Variants in SLC27A6 observed in about 807,000 individuals in gnomAD.
SLC27A6 encodes solute carrier family 27 member 6.
Under a neutral mutation model 63.9 loss-of-function variants are expected in SLC27A6, and 74 were observed. That is an observed-to-expected ratio of 1.16 (90% CI 0.96 to 1.40). The LOEUF is 1.40. Among genes scored for constraint, SLC27A6 ranks in the 40% most tolerant of loss-of-function variants. SLC27A6 has a pLI of 0.00. For missense variants in SLC27A6, 794 were observed against 732.9 expected (o/e 1.08, Z -0.96); for synonymous variants, 287 against 260.8 (o/e 1.10, Z -0.97).
intron 1 of SLC27A6, among the ~76,000 whole-genome samples, chr5:128,971,991 G>A (rs1279820323): frequency 6.6e-6 from 1 of 152,146 alleles, no homozygotes; most frequent in African/African-American, 2.4e-5. Context: ...TTGCTTGTTT[G>A]TAAAGGATAT....
At chr5:128,970,926 T>G (rs1238977974) in intron 1 of SLC27A6, among the ~76,000 whole-genome samples, 1 of 152,218 alleles carries the variant, frequency 6.6e-6, no homozygotes, top group East Asian at 1.9e-4. Flanking sequence ...CACACTGCTT[T>G]AAATGTTTTC....
chr5:128,970,308 T>A (rs1169323530), intron 1 of SLC27A6, among the ~76,000 whole-genome samples: 1 of 152,218 alleles, frequency 6.6e-6, no homozygotes, highest in Non-Finnish European at 1.5e-5. Flanking sequence ...CTTTTTCTAT[T>A]GATTGGAATA....
chr5:129,028,494 A>G (rs1351271971), intron 8 of SLC27A6, 52 bp downstream of exon 8: 1 of 1,083,106 alleles, frequency 9.2e-7, no homozygotes, highest in Non-Finnish European at 1.4e-6. Flanking sequence ...AATTGCCACT[A>G]TTCTCTAGTT....
intron 1 of SLC27A6, among the ~76,000 whole-genome samples, chr5:128,978,272 T>C (rs1321944550): frequency 6.6e-6 from 1 of 152,220 alleles, no homozygotes; most frequent in Non-Finnish European, 1.5e-5. Flanking sequence ...AAAGTGGAAT[T>C]GACAGTCTCA....
Position 129,015,930 on chromosome 5 carries a change from G to T in SLC27A6, c.1015G>T (p.Gly339Cys), listed in dbSNP as rs1182936800. 3.7e-6 allele frequency: 6 copies of T among 1,600,684 alleles called. No individual in the cohort carries two copies. The highest frequency in any genetic ancestry group is 4.3e-6 in the Non-Finnish European group (5 of 1,175,070). Residue 339 changes from glycine (G) to cysteine (C), a missense_variant, in exon 5 of 10, where the codon GGC (glycine) becomes TGC (cysteine). Physicochemically the swap from Gly to Cys is radical, Grantham distance 159. Transcript: ENST00000262462. ...TAAGGTGCGTTTGGCAATTGGAAATGGCATACGGAGTGATGTATGGAGAGA... is the reference window on the plus strand; with the variant it reads ...TAAGGTGCGTTTGGCAATTGGAAATTGCATACGGAGTGATGTATGGAGAGA... ...DHKVRLAIGN[G>C]IRSDVWREFL...
chr5:128,981,957 G>T (rs1750607171), intron 1 of SLC27A6, among the ~76,000 whole-genome samples: 1 of 151,914 alleles, frequency 6.6e-6, no homozygotes, highest in Non-Finnish European at 1.5e-5. Context: ...GGGATTACAG[G>T]TGCCTGCCAC....
chr5:129,009,589 G>T (rs1751655666), intron 4 of SLC27A6, among the ~76,000 whole-genome samples: 1 of 151,520 alleles, frequency 6.6e-6, no homozygotes, highest in Admixed American at 6.6e-5. Context: ...AATAATAATT[G>T]TCCCATTTTT....
intron 4 of SLC27A6, among the ~76,000 whole-genome samples, chr5:128,993,785 A>G (rs1751056344): frequency 1.3e-5 from 2 of 152,088 alleles, no homozygotes; most frequent in Non-Finnish European, 2.9e-5. Flanking sequence ...GAGAATTGAA[A>G]ACAGAATGCC....
chr5:129,026,927 A>C (rs1197258306), intron 6 of SLC27A6, among the ~76,000 whole-genome samples: 1 of 152,090 alleles, frequency 6.6e-6, no homozygotes, highest in African/African-American at 2.4e-5. Context: ...AGTTTTTCCA[A>C]AGTAATTTGT....
intron 4 of SLC27A6, among the ~76,000 whole-genome samples, chr5:128,997,213 C>T (rs1197907327): frequency 1.3e-5 from 2 of 152,086 alleles, no homozygotes; most frequent in Non-Finnish European, 2.9e-5. Flanking sequence ...GATATAGTTT[C>T]ATTACAATTC....
At chr5:128,967,932 C>T (rs1198978490) in intron 1 of SLC27A6, among the ~76,000 whole-genome samples, 2 of 151,994 alleles carry the variant, frequency 1.3e-5, no homozygotes, top group Non-Finnish European at 1.5e-5. Context: ...CCACGACAGG[C>T]CCTGGTGTGT....
intron 2 of SLC27A6, among the ~76,000 whole-genome samples, chr5:128,987,980 A>T (rs1353832775): frequency 6.6e-6 from 1 of 152,174 alleles, no homozygotes; most frequent in Non-Finnish European, 1.5e-5. Flanking sequence ...TGGTCCCAGT[A>T]AAAGTCATCA....
intron 5 of SLC27A6, among the ~76,000 whole-genome samples, chr5:129,021,275 T>C (rs1580744896): frequency 6.6e-6 from 1 of 151,604 alleles, no homozygotes; most frequent in Admixed American, 6.6e-5. Context: ...AGGACCTCTT[T>C]TGGGGGCAAG....
rs1751935070 is a variant in SLC27A6 at position 129,017,356 on chromosome 5, T to A, written c.1164+1277T>A. Among the ~76,000 whole-genome samples, 5 of 151,576 alleles carry A rather than the reference T, an allele frequency of 3.3e-5. No individual in the cohort carries two copies. In the South Asian group the frequency reaches 1.0e-3, roughly 32 times the overall value. On this transcript the variant is annotated intron_variant, in intron 5 of 9. Transcript: ENST00000262462. ...AAATATCCATTCATCAAAGAAAAAA[T>A]CATAATAGAAATTAGAAGATACTAT...
At chr5:128,987,381 G>C (rs1750824977) in intron 2 of SLC27A6, among the ~76,000 whole-genome samples, 1 of 151,910 alleles carries the variant, frequency 6.6e-6, no homozygotes, top group South Asian at 2.1e-4. Context: ...TATTTTGTTT[G>C]TTTATTTTGT....
chr5:128,967,068 T>C (rs183636836), intron 1 of SLC27A6, among the ~76,000 whole-genome samples: 1 of 152,334 alleles, frequency 6.6e-6, no homozygotes, highest in South Asian at 2.1e-4. Flanking sequence ...CCTTTCTTCA[T>C]GTCTGCTCTT....
Position 128,993,089 on chromosome 5 carries a change from G to A in SLC27A6, c.969+2625G>A, listed in dbSNP as rs141141802. Reference sequence around the variant, plus strand: ...AGCCAAAGTATGTGGATACTTTTGCGATTTATAGAAAATATTTCTAAATTG... The same window carrying A: ...AGCCAAAGTATGTGGATACTTTTGCAATTTATAGAAAATATTTCTAAATTG... On this transcript the variant is annotated intron_variant, in intron 4 of 9. Coordinates refer to ENST00000262462, the MANE Select transcript of SLC27A6 (RefSeq NM_001017372.3). Among the ~76,000 whole-genome samples the A allele has an allele frequency of 6.6e-3, 1,010 of 152,310 alleles. 11 individuals are homozygous for A. The highest frequency in any genetic ancestry group is 0.015 in the African/African-American group (624 of 41,576).
At chr5:129,001,349 T>C (rs879168865) in intron 4 of SLC27A6, among the ~76,000 whole-genome samples, 3 of 152,214 alleles carry the variant, frequency 2.0e-5, no homozygotes, top group African/African-American at 7.2e-5. Flanking sequence ...TGTTACTTCT[T>C]ACTGGCTCTG....
In SLC27A6 at chr5:128,969,574, T is replaced by A. The variant is rs193034502; in HGVS notation, c.481+2956T>A. Among the ~76,000 whole-genome samples, 1,118 of 152,160 alleles carry A rather than the reference T, an allele frequency of 7.3e-3. 14 individuals are homozygous for A. Among genetic ancestry groups the A allele is most frequent in the African/African-American group, 0.026 (1,067 of 41,520 alleles). ...TGATTTGGCTCTCTGTTTGTCTGTT[T>A]TTGGTGTAAAGGAATGCTTGTGATT... On this transcript the variant is annotated intron_variant, in intron 1 of 9. Coordinates refer to ENST00000262462, the MANE Select transcript of SLC27A6 (RefSeq NM_001017372.3).
Sources: gnomAD v4.1 joint callset for allele counts (sites outside exome capture counted in the v4.1 genomes callset) on GRCh38, gnomAD v4.1.1 for gene constraint, MANE v1.5 for transcripts, NCBI Gene and HGNC (gene_info 2026-07-23, HGNC 2026-07-21) for gene names.